The following VPS52 variants were observed in gnomAD, a reference collection of about 807,000 sequenced individuals.
The protein encoded by VPS52 is VPS52 subunit of GARP complex, also known as vacuolar protein sorting-associated protein 52 homolog.
A neutral mutation model predicts 98.7 loss-of-function variants in VPS52; 56 were observed. The ratio of observed to expected loss-of-function variants is 0.57; its 90% CI spans 0.46 to 0.71. The LOEUF is 0.71. Ranked by LOEUF, VPS52 falls within the 30% of genes least tolerant of loss-of-function variation. The pLI, the probability that VPS52 is intolerant of heterozygous loss-of-function variation, is 0.00. For missense variants in VPS52, 742 were observed against 925.9 expected (o/e 0.80, Z 2.58); for synonymous variants, 348 against 346.4 (o/e 1.00, Z -0.05).
chr6:33,269,007 A>G lies in VPS52; in HGVS notation c.548+7T>C, dbSNP rs774363785. The G allele has an allele frequency of 3.1e-6, 5 of 1,611,730 alleles. No individual in the cohort carries two copies. Among genetic ancestry groups the G allele is most frequent in the Non-Finnish European group, 4.2e-6 (5 of 1,179,840 alleles). ...GGACATTATAACCCTTCAAACTGGT[A>G]ACTCACGTGACCAGAGCAGAAGGCA... On this transcript the variant is annotated splice_region_variant and intron_variant, in intron 6 of 19. Transcript: ENST00000445902.
Position 33,264,354 on chromosome 6 carries a change from T to A in VPS52, c.1524+20A>T, listed in dbSNP as rs769313005. On this transcript the variant is annotated intron_variant, in intron 14 of 19. Coordinates refer to ENST00000445902, the MANE Select transcript of VPS52 (RefSeq NM_022553.6). ...AGCCCTGCCTTTCAAGAACCCTTTG[T>A]TACCCTTGCCCTCCCTCACATAGTG... 1 of 1,613,170 alleles carries A rather than the reference T, an allele frequency of 6.2e-7. No individual in the cohort carries two copies. Among genetic ancestry groups the A allele is most frequent in the South Asian group, 1.1e-5 (1 of 90,974 alleles).
intron 17 of VPS52, chr6:33,254,860 G>C (rs1272985238): frequency 8.0e-6 from 1 of 124,364 alleles, no homozygotes; most frequent in Non-Finnish European, 1.7e-5. Context: ...ATTTTTTGTA[G>C]AGATGGGGTT....
chr6:33,260,993 C>T (rs994051552), intron 17 of VPS52, among the ~76,000 whole-genome samples: 6 of 150,998 alleles, frequency 4.0e-5, no homozygotes, highest in East Asian at 3.9e-4. Flanking sequence ...AGTGAGACTC[C>T]GTCTTTAAAA....
chr6:33,264,208 C>T, intron 14 of VPS52, 105 bp from the exon 15 acceptor site: 1 of 1,540,446 alleles, frequency 6.5e-7, no homozygotes, highest in East Asian at 2.3e-5. Flanking sequence ...ACTCTACCTT[C>T]AGTCCCTCCT....
chr6:33,262,850 A>T (rs1370181487), intron 17 of VPS52, among the ~76,000 whole-genome samples: 1 of 152,228 alleles, frequency 6.6e-6, no homozygotes, highest in Non-Finnish European at 1.5e-5. Flanking sequence ...CTCATGTACG[A>T]AGAGAGTAGA....
intron 1 of VPS52, among the ~76,000 whole-genome samples, chr6:33,270,486 AC>A (rs1185564136): frequency 1.3e-5 from 2 of 152,130 alleles, no homozygotes; most frequent in Admixed American, 1.3e-4. Flanking sequence ...AAGGAGTGAG[AC>A]GATCCAGTGA....
intron 14 of VPS52, 23 bp from the exon 15 acceptor site, chr6:33,264,126 ATCACAC>A: frequency 6.2e-7 from 1 of 1,612,196 alleles, no homozygotes; most frequent in East Asian, 2.2e-5. Context: ...GGGAAGGAAA[ATCACAC>A]CCACCTCCTG....
Position 33,263,550 on chromosome 6 carries a change from C to T in VPS52, c.1729-1G>A. The T allele has an allele frequency of 6.2e-7, 1 of 1,614,104 alleles. No individual in the cohort carries two copies. Among genetic ancestry groups the T allele is most frequent in the South Asian group, 1.1e-5 (1 of 91,070 alleles). On this transcript the variant is annotated splice_acceptor_variant, in intron 16 of 19. Transcript: ENST00000445902. LOFTEE classifies it high-confidence loss of function. The stretch of plus-strand genomic sequence containing the variant: ...CTTTGCTGTCATCTGCAGCCCGCTC[C>T]TAAGGGAAGACAAAGGGAAATGTCT...
Position 33,266,578 on chromosome 6 carries a change from G to A in VPS52, c.1260C>T (p.Gly420=). 1 of 1,611,264 alleles carries A rather than the reference G, an allele frequency of 6.2e-7. No individual in the cohort carries two copies. The highest frequency in any genetic ancestry group is 8.5e-7 in the Non-Finnish European group (1 of 1,178,992). ...TTACCAGGGTCATGCTGAGTGTACGGCCCATGACAGCATGGAACAGGTCGT... is the reference window on the plus strand; with the variant it reads ...TTACCAGGGTCATGCTGAGTGTACGACCCATGACAGCATGGAACAGGTCGT... ...AAHDLFHAVM[G]RTLSMTLKHL... Residue 420 remains glycine, a synonymous_variant, in exon 12 of 20, where the codon GGC becomes GGT. Transcript: ENST00000445902.
intron 1 of VPS52, among the ~76,000 whole-genome samples, chr6:33,270,808 G>A (rs184011460): frequency 7.9e-5 from 12 of 152,094 alleles, no homozygotes; most frequent in Non-Finnish European, 1.5e-4. Context: ...AAAATTAGCC[G>A]GGCGCGGTGG....
intron 13 of VPS52, 80 bp downstream of exon 13, chr6:33,264,702 G>C: frequency 6.9e-7 from 1 of 1,443,698 alleles, no homozygotes; most frequent in Non-Finnish European, 9.7e-7. Flanking sequence ...AGGTCAGTAG[G>C]AGTCTAAGGT....
intron 17 of VPS52, among the ~76,000 whole-genome samples, chr6:33,257,486 C>A (rs554949873): frequency 1.3e-5 from 2 of 152,208 alleles, no homozygotes; most frequent in Non-Finnish European, 2.9e-5. Flanking sequence ...GCATCCTCCA[C>A]CTCCCTGGTT....
intron 17 of VPS52, among the ~76,000 whole-genome samples, chr6:33,252,365 G>C (rs1762374491): frequency 6.6e-6 from 1 of 152,188 alleles, no homozygotes; most frequent in African/African-American, 2.4e-5. Context: ...GAGGTGGGCA[G>C]ATCACCTGAG....
At chr6:33,253,121 G>A (rs912461183) in intron 17 of VPS52, among the ~76,000 whole-genome samples, 1 of 152,038 alleles carries the variant, frequency 6.6e-6, no homozygotes, top group African/African-American at 2.4e-5. Flanking sequence ...TTGCAGAGGA[G>A]ATGGAAGGGA....
intron 17 of VPS52, among the ~76,000 whole-genome samples, chr6:33,262,804 G>A (rs577696484): frequency 6.6e-6 from 1 of 152,298 alleles, no homozygotes; most frequent in East Asian, 1.9e-4. Context: ...TCACTGATTC[G>A]TGGAATCTAA....
intron 1 of VPS52, 142 bp downstream of exon 1, chr6:33,271,444 T>C: frequency 7.9e-7 from 1 of 1,261,970 alleles, no homozygotes; most frequent in South Asian, 1.3e-5. Context: ...TCGGGTCTGA[T>C]CACAGGGAAG....
Position 33,264,449 on chromosome 6 carries a change from G to T in VPS52, c.1449C>A (p.Ile483=), listed in dbSNP as rs1391785965. 9 of 1,614,136 alleles carry T rather than the reference G, an allele frequency of 5.6e-6. No individual in the cohort carries two copies. Among genetic ancestry groups the T allele is most frequent in the Non-Finnish European group, 7.6e-6 (9 of 1,180,042 alleles). ...LALLWPRFEL[I]LEMNVQSVRS... is the part of the protein sequence containing the mutation. Reference sequence around the variant, plus strand: ...GGACGCTCTGAACATTCATCTCCAGGATCAGTTCAAACCGTGGCCATAGCA... The same window carrying T: ...GGACGCTCTGAACATTCATCTCCAGTATCAGTTCAAACCGTGGCCATAGCA... Residue 483 remains isoleucine (I), a synonymous_variant, in exon 14 of 20, where the codon ATC becomes ATA. Transcript: ENST00000445902.
intron 16 of VPS52, 88 bp from the exon 17 acceptor site, chr6:33,263,637 A>G: frequency 6.3e-7 from 1 of 1,583,742 alleles, no homozygotes; most frequent in Non-Finnish European, 8.7e-7. Context: ...TATTGTACTA[A>G]GCTGGACACT....
At chr6:33,251,789 T>C in intron 18 of VPS52, 71 bp downstream of exon 18, 1 of 1,518,048 alleles carries the variant, frequency 6.6e-7, no homozygotes, top group Non-Finnish European at 9.1e-7. Context: ...CACCATGTAA[T>C]CTGCATCCTT....
Sources: allele counts gnomAD v4.1 joint callset (sites outside exome capture counted in the v4.1 genomes callset), GRCh38; gene constraint gnomAD v4.1.1; transcripts MANE v1.5; gene names NCBI Gene and HGNC (gene_info 2026-07-23, HGNC 2026-07-21).